The following WWC2 variants were observed in gnomAD, a reference collection of about 807,000 sequenced individuals.
WWC2 encodes the protein WW and C2 domain containing 2.
A neutral mutation model predicts 138.5 loss-of-function variants in WWC2; 101 were observed. The observed-to-expected ratio is 0.73, with a 90% confidence interval of 0.62 to 0.86. The LOEUF (loss-of-function observed/expected upper bound fraction) is 0.86, where lower values mean the gene tolerates loss of function less well. Ranked by LOEUF, WWC2 falls within the 40% of genes least tolerant of loss-of-function variation. The probability of loss-of-function intolerance (pLI) is 0.00; values close to 1 mark genes in which losing one functional copy is unlikely to be tolerated. For missense variants in WWC2, 1,420 were observed against 1,419.4 expected, an observed-to-expected ratio of 1.00 and a Z score of -0.01; for synonymous variants, 558 against 538.4, an observed-to-expected ratio of 1.04 and a Z score of -0.50.
chr4:183,189,289 T>C (rs1473537058), intron 1 of WWC2, among the ~76,000 whole-genome samples: 1 of 151,672 alleles, frequency 6.6e-6, no homozygotes, highest in East Asian at 2.0e-4. Context: ...ACAAAAAAAT[T>C]AGCCAGGCGT....
In WWC2 at chr4:183,189,890, A is replaced by G. The variant is rs6552655; in HGVS notation, c.132-3709A>G. Among the ~76,000 whole-genome samples, 309 of 152,338 alleles carry G rather than the reference A, an allele frequency of 2.0e-3. 2 individuals are homozygous for G. The highest frequency in any genetic ancestry group is 7.3e-3 in the African/African-American group (302 of 41,580). On this transcript the variant is annotated intron_variant, in intron 1 of 22. Transcript: ENST00000403733. ...TCATGTAATTGTGAAGTGAACAAAT[A>G]CATCACTGTGTGGCATCTCATGTCG... is the stretch of plus-strand genomic sequence containing the variant.
chr4:183,196,873 C>T (rs77825576), intron 2 of WWC2, among the ~76,000 whole-genome samples: 5 of 152,160 alleles, frequency 3.3e-5, no homozygotes, highest in African/African-American at 4.8e-5. Context: ...CCATTCTGGT[C>T]GAGTGCCCCA....
chr4:183,279,078 C>T (rs1737973249), intron 16 of WWC2, among the ~76,000 whole-genome samples: 1 of 152,048 alleles, frequency 6.6e-6, no homozygotes, highest in South Asian at 2.1e-4. Context: ...GGAATGCTTC[C>T]AGTTCTTGCC....
intron 1 of WWC2, among the ~76,000 whole-genome samples, chr4:183,130,339 C>G (rs867181639): frequency 1.3e-5 from 2 of 152,068 alleles, no homozygotes; most frequent in Admixed American, 1.3e-4. Flanking sequence ...CGTGAGCCAG[C>G]GCTCCCAGCC....
chr4:183,180,485 C>CT (rs1278435103), intron 1 of WWC2, among the ~76,000 whole-genome samples: 1 of 150,742 alleles, frequency 6.6e-6, no homozygotes, highest in East Asian at 2.0e-4. Context: ...AGCTTGAAGT[C>CT]TATTTTATTT....
chr4:183,299,225 T>A (rs1738739828), intron 21 of WWC2, among the ~76,000 whole-genome samples: 1 of 151,750 alleles, frequency 6.6e-6, no homozygotes, highest in East Asian at 1.9e-4. Flanking sequence ...CACATGAGAG[T>A]GGAGCCCTCA....
chr4:183,150,966 CTT>C (rs1401838672), intron 1 of WWC2, among the ~76,000 whole-genome samples: 1 of 152,130 alleles, frequency 6.6e-6, no homozygotes, highest in Non-Finnish European at 1.5e-5. Flanking sequence ...GGTTCCAAGT[CTT>C]TGCTATTGTG....
chr4:183,281,603 T>C (rs912214862), intron 17 of WWC2, among the ~76,000 whole-genome samples: 2 of 152,220 alleles, frequency 1.3e-5, no homozygotes, highest in African/African-American at 4.8e-5. Context: ...TGCATATACA[T>C]ATATAGCATG....
intron 22 of WWC2, among the ~76,000 whole-genome samples, chr4:183,315,052 T>A (rs1364095979): frequency 2.0e-5 from 3 of 152,196 alleles, no homozygotes; most frequent in Non-Finnish European, 2.9e-5. Context: ...CCATGTACAG[T>A]GTGAAGTTCT....
intron 4 of WWC2, among the ~76,000 whole-genome samples, chr4:183,213,150 T>C (rs539188170): frequency 6.6e-6 from 1 of 152,308 alleles, no homozygotes; most frequent in Admixed American, 6.5e-5. Context: ...TCACAGACTG[T>C]GTTGCTGTTG....
chr4:183,319,183 A>G lies in WWC2; in HGVS notation c.*3454A>G, dbSNP rs781254341. 1.5e-4 allele frequency: 27 copies of G among 175,336 alleles called. No homozygotes were observed. Among genetic ancestry groups the G allele is most frequent in the Admixed American group, 1.1e-4 (2 of 18,588 alleles). The allele number at this position is 175,336 out of a possible 1,614,324, so 10.9% of individuals were successfully genotyped here. A position where few individuals can be genotyped will look rare whatever the true frequency, so the allele number is the denominator to read the frequency against. ...TATGCAACAAGACCTCAGGCTTATT[A>G]TACTAGGTTATCTTAAACACCTGAA... On this transcript the variant is annotated 3_prime_UTR_variant, in exon 23 of 23. Transcript: ENST00000403733.
At chr4:183,175,504 C>T (rs1053189656) in intron 1 of WWC2, among the ~76,000 whole-genome samples, 1 of 152,150 alleles carries the variant, frequency 6.6e-6, no homozygotes. Context: ...CTCAAATGAT[C>T]GGCCCACATC....
intron 1 of WWC2, among the ~76,000 whole-genome samples, chr4:183,125,630 C>G (rs1221797328): frequency 6.6e-6 from 1 of 152,196 alleles, no homozygotes; most frequent in East Asian, 1.9e-4. Context: ...CCCCATATAA[C>G]ATTAAGCCCT....
rs528527149 is a variant in WWC2, at chr4:183,155,255, C to T, written c.132-38344C>T. On this transcript the variant is annotated intron_variant, in intron 1 of 22. Transcript: ENST00000403733. ...TGACGTGGTGAGGACAGGCTTCCTG[C>T]AGTCAGCTGGCTCCACATTTGGCTT... 2.0e-5 allele frequency among the ~76,000 whole-genome samples: 3 copies of T among 149,886 alleles called. No individual in the cohort carries two copies. In the South Asian group the frequency reaches 6.3e-4, roughly 32 times the overall value.
intron 5 of WWC2, among the ~76,000 whole-genome samples, chr4:183,243,612 G>C (rs894502756): frequency 6.6e-6 from 1 of 152,098 alleles, no homozygotes; most frequent in East Asian, 1.9e-4. Flanking sequence ...TTTTAGGATA[G>C]TTCCCCTACT....
Position 183,318,693 on chromosome 4 carries a change from T to A in WWC2, c.*2964T>A, listed in dbSNP as rs2111137911. 6.6e-6 allele frequency: 1 copy of A among 152,342 alleles called. No individual in the cohort carries two copies. Among genetic ancestry groups the A allele is most frequent in the South Asian group, 2.1e-4 (1 of 4,822 alleles). The allele number at this position is 152,342 out of a possible 1,614,324, so 9.4% of individuals were successfully genotyped here. ...TAGTTCTTGTTGGAACTATATGTAT[T>A]GCTGATAAAAAAGGACGAAGTATTT... On this transcript the variant is annotated 3_prime_UTR_variant, in exon 23 of 23. Coordinates refer to ENST00000403733, the MANE Select transcript of WWC2 (RefSeq NM_024949.6).
intron 1 of WWC2, among the ~76,000 whole-genome samples, chr4:183,192,485 C>T (rs953196893): frequency 6.6e-6 from 1 of 152,096 alleles, no homozygotes; most frequent in African/African-American, 2.4e-5. Flanking sequence ...AAAAGTAGAC[C>T]CTTCCTTTCA....
chr4:183,285,536 G>A (rs762537250), intron 19 of WWC2, among the ~76,000 whole-genome samples: 6 of 152,156 alleles, frequency 3.9e-5, no homozygotes, highest in African/African-American at 9.7e-5. Context: ...CGAGGAGAGC[G>A]AAACACCTGA....
intron 1 of WWC2, among the ~76,000 whole-genome samples, chr4:183,191,196 T>G (rs1282446258): frequency 6.6e-6 from 1 of 152,128 alleles, no homozygotes; most frequent in Non-Finnish European, 1.5e-5. Flanking sequence ...TATCTCACTC[T>G]TTGTCAAAAG....
Sources: allele counts gnomAD v4.1 joint callset (sites outside exome capture counted in the v4.1 genomes callset), GRCh38; gene constraint gnomAD v4.1.1; transcripts MANE v1.5; gene names NCBI Gene and HGNC (gene_info 2026-07-23, HGNC 2026-07-21).